Variants in CAV1 observed in about 807,000 individuals in gnomAD.
CAV1 encodes the protein caveolin-1.
CAV1 carries 10 observed loss-of-function variants against 16.5 expected under a neutral mutation model. That is an observed-to-expected ratio of 0.61 (90% CI 0.37 to 1.03). CAV1 has a LOEUF of 1.03. Ranked by LOEUF, CAV1 falls within the 50% of genes least tolerant of loss-of-function variation. The pLI is 0.01. For synonymous variants in CAV1, 76 were observed against 85.1 expected (o/e 0.89, Z 0.59); for missense variants, 212 against 232.8 (o/e 0.91, Z 0.58).
intron 1 of CAV1, 50 bp from the exon 2 acceptor site, chr7:116,526,475 C>A (rs1418667375): frequency 6.2e-6 from 10 of 1,612,128 alleles, no homozygotes; most frequent in Non-Finnish European, 7.6e-6. Context: ...TTCCTCCCAC[C>A]GCCGTTGCCG....
chr7:116,557,378 T>TAA (rs1472724823), intron 2 of CAV1, among the ~76,000 whole-genome samples: 2 of 152,172 alleles, frequency 1.3e-5, no homozygotes, highest in Non-Finnish European at 2.9e-5. Context: ...CCTCATTCCC[T>TAA]AATCCTGAGC....
chr7:116,526,217 G>A (rs1331574119), intron 1 of CAV1: 4 of 991,644 alleles, frequency 4.0e-6, no homozygotes, highest in African/African-American at 1.7e-5. Flanking sequence ...GGCGTGCGCG[G>A]GCGGGGGCCT....
At position 116,559,621 on chromosome 7, in the gene CAV1, A is replaced by T. The variant is rs1253911649; in HGVS notation, c.*334A>T. ...ATATGAAGAACTGAGGAGGAAAAAAAAAAAAAAGAAAAGAACCAACAACCT... is the reference window on the plus strand; with the variant it reads ...ATATGAAGAACTGAGGAGGAAAAAATAAAAAAAGAAAAGAACCAACAACCT... On this transcript the variant is annotated 3_prime_UTR_variant, in exon 3 of 3. Coordinates refer to ENST00000341049, the MANE Select transcript of CAV1 (RefSeq NM_001753.5). 1.9e-6 allele frequency: 1 copy of T among 526,556 alleles called. No homozygotes were observed. Among genetic ancestry groups the T allele is most frequent in the East Asian group, 3.0e-5 (1 of 32,844 alleles). 32.6% of individuals were successfully genotyped at this position (526,556 alleles called of 1,614,324 possible).
intron 2 of CAV1, among the ~76,000 whole-genome samples, chr7:116,546,612 G>A (rs770084272): frequency 2.0e-5 from 3 of 150,504 alleles, no homozygotes; most frequent in Non-Finnish European, 2.9e-5. Context: ...CAGGAGAATC[G>A]CTTGAACCTG....
intron 2 of CAV1, among the ~76,000 whole-genome samples, chr7:116,556,520 A>G (rs1003460938): frequency 6.6e-6 from 1 of 152,172 alleles, no homozygotes; most frequent in Non-Finnish European, 1.5e-5. Flanking sequence ...ACTCATTAGC[A>G]TTTCTGAACC....
At chr7:116,558,476 T>C (rs577717167) in intron 2 of CAV1, among the ~76,000 whole-genome samples, 1 of 152,078 alleles carries the variant, frequency 6.6e-6, no homozygotes, top group South Asian at 2.1e-4. Flanking sequence ...CAGGTCAGCT[T>C]ATTGGCTCAT....
rs1562838473 is a variant in CAV1 at position 116,555,564 on chromosome 7, GAAA to G, written c.196-3381_196-3379del. On this transcript the variant is annotated intron_variant, in intron 2 of 2. Transcript: ENST00000341049. Reference sequence around the variant, plus strand: ...AGAGAGAAAGAAAGAAAGAAAGAAAGAAAGAAAGAAAGAAAGAAAGAAAGAAAG... The same window carrying G: ...AGAGAGAAAGAAAGAAAGAAAGAAAGGAAAGAAAGAAAGAAAGAAAGAAAG... Among the ~76,000 whole-genome samples the G allele has an allele frequency of 1.8e-4, 9 of 51,342 alleles. 1 individual carries two copies. The highest frequency in any genetic ancestry group is 7.1e-4 in the African/African-American group (9 of 12,730). 33.7% of individuals were successfully genotyped at this position (51,342 alleles called of 152,430 possible).
At chr7:116,526,081 G>T in intron 1 of CAV1, 1 of 208,772 alleles carries the variant, frequency 4.8e-6, no homozygotes. Context: ...ACCGGGGACG[G>T]GAACGCGAAA....
chr7:116,546,008 AG>A (rs1168289923), intron 2 of CAV1, among the ~76,000 whole-genome samples: 2 of 152,198 alleles, frequency 1.3e-5, no homozygotes, highest in Non-Finnish European at 2.9e-5. Flanking sequence ...CAACACTTGG[AG>A]GGGTTGTAGT....
At chr7:116,546,652 G>A (rs1000155120) in intron 2 of CAV1, among the ~76,000 whole-genome samples, 4 of 145,800 alleles carry the variant, frequency 2.7e-5, no homozygotes, top group Admixed American at 1.4e-4. Flanking sequence ...AGCAAAGATC[G>A]CACCATTGCA....
At chr7:116,526,253 T>G in intron 1 of CAV1, 1 of 1,231,230 alleles carries the variant, frequency 8.1e-7, no homozygotes, top group South Asian at 1.6e-5. Flanking sequence ...GGGCCTGCCC[T>G]GACCCCTGGC....
intron 1 of CAV1, 43 bp downstream of exon 1, chr7:116,525,135 T>C: frequency 3.1e-6 from 5 of 1,613,428 alleles, no homozygotes; most frequent in Non-Finnish European, 4.2e-6. Flanking sequence ...GTGCGGGGAG[T>C]GTCCGCTTCT....
chr7:116,546,533 T>TG (rs1554356348), intron 2 of CAV1, among the ~76,000 whole-genome samples: 1 of 138,214 alleles, frequency 7.2e-6, no homozygotes, highest in Non-Finnish European at 1.6e-5. Context: ...CTACTAAAAA[T>TG]AAAAAAAAAA....
At chr7:116,525,456 G>C (rs1563092815) in intron 1 of CAV1, 17 of 1,371,346 alleles carry the variant, frequency 1.2e-5, no homozygotes, top group Non-Finnish European at 1.6e-5. Context: ...GGGGTTCGAA[G>C]AGGTGGAGTG....
chr7:116,549,397 C>T (rs760585681), intron 2 of CAV1, among the ~76,000 whole-genome samples: 2 of 152,198 alleles, frequency 1.3e-5, no homozygotes, highest in Non-Finnish European at 2.9e-5. Context: ...AAGGTGAAGA[C>T]TTCTGAGCTT....
intron 2 of CAV1, among the ~76,000 whole-genome samples, chr7:116,537,544 A>C (rs1305032298): frequency 6.6e-6 from 1 of 152,234 alleles, no homozygotes; most frequent in Admixed American, 6.5e-5. Context: ...GAAGTGGTAG[A>C]GTCAGGGTTT....
At chr7:116,534,376 TATATATATATATATATATA>T (rs1793753250) in intron 2 of CAV1, among the ~76,000 whole-genome samples, 1 of 14,776 alleles carries the variant, frequency 6.8e-5, no homozygotes, top group African/African-American at 1.8e-4. Context: ...TATATATATA[TATATATATATATATATATA>T]TTTTTTTTTT....
intron 1 of CAV1, chr7:116,525,891 G>C (rs1261518431): frequency 2.1e-6 from 2 of 958,276 alleles, no homozygotes; most frequent in East Asian, 2.3e-4. Flanking sequence ...TCATCACGGC[G>C]GATTGAGCAG....
At chr7:116,536,223 C>T (rs1793810744) in intron 2 of CAV1, among the ~76,000 whole-genome samples, 1 of 152,164 alleles carries the variant, frequency 6.6e-6, no homozygotes, top group Admixed American at 6.5e-5. Flanking sequence ...CCCTGTCCTG[C>T]CACTTGCTCC....
Sources: gnomAD v4.1 joint callset for allele counts (sites outside exome capture counted in the v4.1 genomes callset) on GRCh38, gnomAD v4.1.1 for gene constraint, MANE v1.5 for transcripts, NCBI Gene and HGNC (gene_info 2026-07-23, HGNC 2026-07-21) for gene names.